Variants in TRPM3 observed in about 807,000 individuals in gnomAD.
TRPM3 encodes transient receptor potential cation channel subfamily M member 3.
A neutral mutation model predicts 181.2 loss-of-function variants in TRPM3; 77 were observed. The ratio of observed to expected loss-of-function variants is 0.42; its 90% CI spans 0.35 to 0.51. The LOEUF is 0.51. Among genes scored for constraint, TRPM3 ranks in the 20% least tolerant of loss-of-function variants. The pLI is 0.01. For synonymous variants in TRPM3, 745 were observed against 796.4 expected (o/e 0.94, Z 1.09); for missense variants, 1,759 against 2,196.7 (o/e 0.80, Z 3.98).
intron 1 of TRPM3, among the ~76,000 whole-genome samples, chr9:71,211,929 T>C (rs938556155): frequency 8.5e-5 from 13 of 152,148 alleles, no homozygotes; most frequent in Admixed American, 3.9e-4. Flanking sequence ...ATACAGTATA[T>C]AGCTTGAAAG....
chr9:71,295,171 T>A (rs2086151878), intron 1 of TRPM3, among the ~76,000 whole-genome samples: 1 of 152,284 alleles, frequency 6.6e-6, no homozygotes. Flanking sequence ...ATGAGCAATA[T>A]AGGTCTCTCA....
intron 1 of TRPM3, among the ~76,000 whole-genome samples, chr9:71,188,853 G>C (rs1403049417): frequency 6.6e-6 from 1 of 151,858 alleles, no homozygotes; most frequent in African/African-American, 2.4e-5. Context: ...TTGAAACAAG[G>C]ATTAAATAAG....
At chr9:70,810,507 C>A (rs2091827975) in intron 6 of TRPM3, among the ~76,000 whole-genome samples, 2 of 151,978 alleles carry the variant, frequency 1.3e-5, no homozygotes, top group South Asian at 4.1e-4. Context: ...AATATTGTTT[C>A]TCCACCATCT....
intron 1 of TRPM3, among the ~76,000 whole-genome samples, chr9:71,343,145 A>G (rs2091072304): frequency 6.6e-6 from 1 of 152,062 alleles, no homozygotes; most frequent in Non-Finnish European, 1.5e-5. Flanking sequence ...ATGGACCCAT[A>G]CTTCCTTTAG....
At chr9:71,111,674 T>C (rs562933164) in intron 1 of TRPM3, among the ~76,000 whole-genome samples, 1 of 152,346 alleles carries the variant, frequency 6.6e-6, no homozygotes, top group Non-Finnish European at 1.5e-5. Flanking sequence ...TGCAAACTTA[T>C]CTGCCAGGTC....
At chr9:71,200,100 A>G (rs2131722049) in intron 1 of TRPM3, among the ~76,000 whole-genome samples, 1 of 152,070 alleles carries the variant, frequency 6.6e-6, no homozygotes. Context: ...TTCAAAGAAC[A>G]TCTTTATTTC....
At chr9:71,378,534 CA>C (rs2092718072) in intron 1 of TRPM3, among the ~76,000 whole-genome samples, 1 of 152,036 alleles carries the variant, frequency 6.6e-6, no homozygotes, top group African/African-American at 2.4e-5. Context: ...ATTCAGTCAA[CA>C]ATCGCTTATT....
chr9:71,033,517 A>G (rs1391495467), intron 1 of TRPM3, among the ~76,000 whole-genome samples: 2 of 152,212 alleles, frequency 1.3e-5, no homozygotes, highest in Admixed American at 1.3e-4. Context: ...ACTGAAATAA[A>G]TTTGAACTAT....
intron 1 of TRPM3, among the ~76,000 whole-genome samples, chr9:70,889,469 G>A (rs1473245814): frequency 6.6e-6 from 1 of 152,126 alleles, no homozygotes; most frequent in Non-Finnish European, 1.5e-5. Context: ...TGGTCAGTTT[G>A]GCTCTATGTC....
intron 1 of TRPM3, among the ~76,000 whole-genome samples, chr9:70,985,418 G>A (rs1019168646): frequency 3.9e-5 from 6 of 152,136 alleles, no homozygotes; most frequent in Admixed American, 3.3e-4. Flanking sequence ...TCTAGAGAAG[G>A]CAACCCAGTG....
intron 1 of TRPM3, among the ~76,000 whole-genome samples, chr9:70,968,848 T>C (rs1376662775): frequency 6.6e-6 from 1 of 152,102 alleles, no homozygotes; most frequent in Non-Finnish European, 1.5e-5. Context: ...TTACACCTTA[T>C]ACAAAAATCA....
chr9:70,987,048 A>G (rs192857698), intron 1 of TRPM3, among the ~76,000 whole-genome samples: 4 of 151,934 alleles, frequency 2.6e-5, no homozygotes, highest in Non-Finnish European at 2.9e-5. Flanking sequence ...TAATTAATTT[A>G]CATTTACATT....
chr9:70,620,418 T>G, intron 15 of TRPM3, 53 bp from the exon 16 acceptor site: 1 of 1,548,152 alleles, frequency 6.5e-7, no homozygotes. Context: ...TTGGTTCATT[T>G]CAGCAAGTAG....
intron 1 of TRPM3, among the ~76,000 whole-genome samples, chr9:71,212,735 A>G (rs756456301): frequency 6.6e-6 from 1 of 152,186 alleles, no homozygotes; most frequent in Non-Finnish European, 1.5e-5. Context: ...TCAGCGGAAG[A>G]TTTTTCTTAA....
intron 12 of TRPM3, among the ~76,000 whole-genome samples, chr9:70,628,924 A>AAAAT (rs969252241): frequency 1.3e-5 from 2 of 151,944 alleles, no homozygotes; most frequent in Admixed American, 6.6e-5. Context: ...TAGAATTCTA[A>AAAAT]AAATAAGACA....
chr9:70,572,353 C>T (rs375927283), intron 22 of TRPM3, among the ~76,000 whole-genome samples: 1 of 152,282 alleles, frequency 6.6e-6, no homozygotes, highest in South Asian at 2.1e-4. Context: ...TAAATAACCA[C>T]CTATATTTGC....
At chr9:70,935,296 C>T (rs2096818156) in intron 1 of TRPM3, among the ~76,000 whole-genome samples, 1 of 152,094 alleles carries the variant, frequency 6.6e-6, no homozygotes, top group African/African-American at 2.4e-5. Flanking sequence ...TCTCCCCTAC[C>T]AGGCTTTAAG....
chr9:71,316,889 C>A (rs1165504971), intron 1 of TRPM3, among the ~76,000 whole-genome samples: 3 of 152,152 alleles, frequency 2.0e-5, no homozygotes. Flanking sequence ...TGTGGGCCAC[C>A]TGCCTACCAC....
intron 1 of TRPM3, among the ~76,000 whole-genome samples, chr9:71,256,586 C>G (rs1286143468): frequency 6.6e-6 from 1 of 151,998 alleles, no homozygotes; most frequent in Non-Finnish European, 1.5e-5. Context: ...ATTTGTACCT[C>G]ATCTTTAAGG....
Sources: gnomAD v4.1 joint callset for allele counts (sites outside exome capture counted in the v4.1 genomes callset) on GRCh38, gnomAD v4.1.1 for gene constraint, MANE v1.5 for transcripts, NCBI Gene and HGNC (gene_info 2026-07-23, HGNC 2026-07-21) for gene names.